Variants in CLHC1 observed in about 807,000 individuals in gnomAD.
CLHC1 encodes clathrin heavy chain linker domain-containing protein 1.
In CLHC1, 72 loss-of-function variants were observed where a neutral mutation model predicts 69.5. The observed-to-expected ratio is 1.04, with a 90% CI of 0.86 to 1.26. CLHC1 has a LOEUF of 1.26. CLHC1 is among the 50% of genes most tolerant of loss of function. The pLI is 0.00. For synonymous variants in CLHC1, 223 were observed against 224.3 expected, an observed-to-expected ratio of 0.99 and a Z score of 0.05; for missense variants, 790 against 679.3, an observed-to-expected ratio of 1.16 and a Z score of -1.81.
At chr2:55,213,191 C>A (rs1673176253) in intron 4 of CLHC1, among the ~76,000 whole-genome samples, 1 of 152,218 alleles carries the variant, frequency 6.6e-6, no homozygotes, top group Non-Finnish European at 1.5e-5. Flanking sequence ...TATTCTCTTA[C>A]AATTCTGGAA....
intron 9 of CLHC1, 129 bp downstream of exon 9, chr2:55,206,141 A>G: frequency 1.7e-6 from 1 of 600,834 alleles, no homozygotes; most frequent in African/African-American, 1.9e-5. Context: ...TGCTAAGCAA[A>G]CTGAGTAAAT....
intron 9 of CLHC1, among the ~76,000 whole-genome samples, chr2:55,193,602 T>G (rs1671131650): frequency 6.6e-6 from 1 of 152,104 alleles, no homozygotes. Context: ...CACTTCACAC[T>G]TATTAGAAAG....
chr2:55,219,365 T>A (rs1049572929), intron 3 of CLHC1, among the ~76,000 whole-genome samples: 3 of 152,192 alleles, frequency 2.0e-5, no homozygotes, highest in African/African-American at 7.2e-5. Flanking sequence ...ATATGCAAAC[T>A]GGCATATCAC....
At position 55,232,273 on chromosome 2, in the gene CLHC1, G is replaced by A. The variant is rs17046782; in HGVS notation, c.-306C>T. The A allele has an allele frequency of 5.1e-4, 101 of 197,426 alleles. 2 individuals carry two copies. In the East Asian group the frequency reaches 6.0e-3, roughly 12 times the overall value. The allele number at this position is 197,426 out of a possible 1,614,324, so 12.2% of individuals were successfully genotyped here. ...CTCCAAACACCGACTTCAGTGCTTAGAGATAGTAACTAGGGAATCTGGGAG... is the reference window on the plus strand; with the variant it reads ...CTCCAAACACCGACTTCAGTGCTTAAAGATAGTAACTAGGGAATCTGGGAG... On this transcript the variant is annotated 5_prime_UTR_variant, in exon 1 of 13. Coordinates refer to ENST00000401408, the MANE Select transcript of CLHC1 (RefSeq NM_152385.4).
At chr2:55,191,389 CCATGCATGG>C (rs1400625112) in intron 9 of CLHC1, among the ~76,000 whole-genome samples, 5 of 152,104 alleles carry the variant, frequency 3.3e-5, no homozygotes, top group Non-Finnish European at 7.4e-5. Flanking sequence ...GTGCAGGCCA[CCATGCATGG>C]CTAATTTTTG....
At chr2:55,224,218 G>C (rs1243097340) in intron 2 of CLHC1, 1 of 307,784 alleles carries the variant, frequency 3.2e-6, no homozygotes, top group Non-Finnish European at 6.6e-6. Flanking sequence ...AGCGAAGGGA[G>C]GTCACAGCCA....
intron 7 of CLHC1, 132 bp from the exon 8 acceptor site, chr2:55,208,842 A>G: frequency 2.2e-6 from 1 of 460,834 alleles, no homozygotes; most frequent in Non-Finnish European, 4.0e-6. Context: ...TCCTAAACTT[A>G]GTGGCCTCCC....
rs1669157369 is a variant in CLHC1 at position 55,173,844 on chromosome 2, G to A, written c.*1946C>T. On this transcript the variant is annotated 3_prime_UTR_variant, in exon 13 of 13. Transcript: ENST00000401408. ...GCTAACTGAGAAGGAGTAATAATGA[G>A]AAAAGGAAAAACAAGGCAAAATTAG... Among the ~76,000 whole-genome samples the A allele has an allele frequency of 1.3e-5, 2 of 152,102 alleles. No homozygotes were observed. The highest frequency in any genetic ancestry group is 4.1e-4 in the South Asian group (2 of 4,828).
intron 11 of CLHC1, among the ~76,000 whole-genome samples, chr2:55,179,260 C>T (rs1669687668): frequency 1.3e-5 from 2 of 151,918 alleles, no homozygotes; most frequent in African/African-American, 2.4e-5. Context: ...ACTACATAAC[C>T]AAATCACTTA....
At chr2:55,206,450 AT>A (rs1672457250) in intron 8 of CLHC1, 74 bp from the exon 9 acceptor site, 1 of 812,072 alleles carries the variant, frequency 1.2e-6, no homozygotes. Flanking sequence ...GAAATGTTTA[AT>A]ACAGACTAAA....
At chr2:55,190,716 C>G (rs1478095590) in intron 9 of CLHC1, among the ~76,000 whole-genome samples, 1 of 152,060 alleles carries the variant, frequency 6.6e-6, no homozygotes, top group Non-Finnish European at 1.5e-5. Context: ...AAAACTTGGA[C>G]AAAGAATAAA....
At chr2:55,183,890 C>T (rs780165884) in intron 9 of CLHC1, among the ~76,000 whole-genome samples, 1 of 152,104 alleles carries the variant, frequency 6.6e-6, no homozygotes, top group Non-Finnish European at 1.5e-5. Flanking sequence ...AAGCAATTCT[C>T]TTGCCTCAGC....
intron 9 of CLHC1, among the ~76,000 whole-genome samples, chr2:55,204,121 C>T (rs1672215623): frequency 6.6e-6 from 1 of 152,074 alleles, no homozygotes; most frequent in Non-Finnish European, 1.5e-5. Context: ...CCCATCTCTT[C>T]TAAAAATACA....
At chr2:55,179,383 C>T (rs1474155049) in intron 11 of CLHC1, among the ~76,000 whole-genome samples, 1 of 151,340 alleles carries the variant, frequency 6.6e-6, no homozygotes, top group Non-Finnish European at 1.5e-5. Flanking sequence ...GTGAGATAAT[C>T]CATGAAAAAA....
At chr2:55,203,707 T>C (rs909974687) in intron 9 of CLHC1, among the ~76,000 whole-genome samples, 1 of 151,972 alleles carries the variant, frequency 6.6e-6, no homozygotes, top group Admixed American at 6.6e-5. Context: ...TATGAAACCA[T>C]ACAAGAAAAC....
At chr2:55,230,146 G>T (rs1258442459) in intron 1 of CLHC1, among the ~76,000 whole-genome samples, 4 of 152,260 alleles carry the variant, frequency 2.6e-5, no homozygotes, top group African/African-American at 9.6e-5. Context: ...GTCAAAGCTG[G>T]AAGTGCTGTT....
rs1674218944 is a variant in CLHC1 at position 55,222,387 on chromosome 2, G to T, written c.25C>A (p.His9Asn). The T allele has an allele frequency of 6.2e-7, 1 of 1,613,204 alleles. No homozygotes were observed. ...CAAATGATAGGTGGGAGAACTGCATGTTTTCTTATTTGATGAACTGACATA... is the reference window on the plus strand; with the variant it reads ...CAAATGATAGGTGGGAGAACTGCATTTTTTCTTATTTGATGAACTGACATA... The part of the protein sequence containing the change: MSVHQIRK[H>N]AVLPPIICRS... Residue 9 changes from histidine to asparagine, a missense_variant, in exon 3 of 13, where the codon CAT becomes AAT. By Grantham distance (68) the His-to-Asn change is moderately conservative (BLOSUM62 1). Transcript: ENST00000401408.
chr2:55,201,368 C>A (rs1435841396), intron 9 of CLHC1, among the ~76,000 whole-genome samples: 2 of 151,826 alleles, frequency 1.3e-5, no homozygotes, highest in Admixed American at 1.3e-4. Flanking sequence ...TTCAAAGGAG[C>A]CTTATAGGTT....
At chr2:55,198,201 C>A (rs767481876) in intron 9 of CLHC1, among the ~76,000 whole-genome samples, 7 of 152,088 alleles carry the variant, frequency 4.6e-5, no homozygotes, top group African/African-American at 7.2e-5. Context: ...ACTTCAAGAT[C>A]TAGAAAATAA....
Sources: allele counts gnomAD v4.1 joint callset (sites outside exome capture counted in the v4.1 genomes callset), GRCh38; gene constraint gnomAD v4.1.1; transcripts MANE v1.5; gene names NCBI Gene and HGNC (gene_info 2026-07-23, HGNC 2026-07-21).